The following WDR43 variants were observed in gnomAD, a reference collection of about 807,000 sequenced individuals.
The protein encoded by WDR43 is WD repeat-containing protein 43.
Under a neutral mutation model 91.4 loss-of-function variants are expected in WDR43, and 13 were observed. That is an observed-to-expected ratio of 0.14 (90% CI 0.09 to 0.23). The LOEUF is 0.23. Ranked by LOEUF, WDR43 falls within the 10% of genes least tolerant of loss-of-function variation. The pLI, the probability that WDR43 is intolerant of heterozygous loss-of-function variation, is 1.00. For synonymous variants in WDR43, 331 were observed against 287.9 expected, an observed-to-expected ratio of 1.15 and a Z score of -1.51; for missense variants, 780 against 809.4, an observed-to-expected ratio of 0.96 and a Z score of 0.44.
At chr2:28,936,428 T>A (rs1234151706) in intron 12 of WDR43, among the ~76,000 whole-genome samples, 1 of 152,180 alleles carries the variant, frequency 6.6e-6, no homozygotes, top group East Asian at 1.9e-4. Context: ...AGCAGTGTCT[T>A]GTATAGAAAA....
intron 11 of WDR43, 74 bp from the exon 12 acceptor site, chr2:28,935,447 C>A: frequency 9.2e-7 from 1 of 1,082,018 alleles, no homozygotes; most frequent in Non-Finnish European, 1.3e-6. Context: ...TTCATTTTTA[C>A]AGACTTTTTT....
At chr2:28,918,560 G>T (rs1453342657) in intron 6 of WDR43, among the ~76,000 whole-genome samples, 1 of 151,878 alleles carries the variant, frequency 6.6e-6, no homozygotes, top group East Asian at 1.9e-4. Context: ...GTAGAGATGG[G>T]GTTTCTCCAT....
In WDR43 at chr2:28,934,230, A is replaced by G. The variant is rs1302489256; in HGVS notation, c.1438-1291A>G. On this transcript the variant is annotated intron_variant, in intron 11 of 17. Transcript: ENST00000407426. ...ATTCCTATTTATATAAAAATTCTGG[A>G]AAAGCAGACCAATACATAGTTCAGT... is the stretch of plus-strand genomic sequence containing the variant. 3.9e-5 allele frequency among the ~76,000 whole-genome samples: 6 copies of G among 152,338 alleles called. No homozygotes were observed. The East Asian group carries it at 1.2e-3, about 29-fold the overall frequency.
intron 9 of WDR43, chr2:28,927,265 G>C: frequency 2.1e-6 from 1 of 471,864 alleles, no homozygotes; most frequent in Admixed American, 2.5e-5. Flanking sequence ...GAATTTAGTA[G>C]TGGGGGCTTG....
At chr2:28,946,415 C>A (rs758575501) in intron 16 of WDR43, 35 bp from the exon 17 acceptor site, 4 of 1,590,038 alleles carry the variant, frequency 2.5e-6, no homozygotes, top group Non-Finnish European at 1.7e-6. Context: ...CTGTTTTGTT[C>A]TAAAATTAAG....
chr2:28,895,714 T>A (rs941921805), intron 1 of WDR43: 2 of 152,234 alleles, frequency 1.3e-5, no homozygotes, highest in Non-Finnish European at 2.9e-5. Flanking sequence ...GAGCTTTTCA[T>A]TGTTAGGGAC....
chr2:28,916,707 A>G (rs552308157), intron 5 of WDR43, among the ~76,000 whole-genome samples: 18 of 152,324 alleles, frequency 1.2e-4, no homozygotes, highest in African/African-American at 3.4e-4. Context: ...TAAAGTCCCC[A>G]TGAACACTGA....
intron 11 of WDR43, among the ~76,000 whole-genome samples, chr2:28,931,206 C>T (rs923643798): frequency 3.3e-5 from 5 of 151,896 alleles, no homozygotes; most frequent in Middle Eastern, 3.4e-3. Context: ...CTCAGCCTCC[C>T]GAATTGCTGG....
At chr2:28,910,534 C>T (rs1317073346) in intron 3 of WDR43, among the ~76,000 whole-genome samples, 1 of 151,604 alleles carries the variant, frequency 6.6e-6, no homozygotes, top group African/African-American at 2.4e-5. Context: ...TATCCTTTGT[C>T]TGTTTTTATT....
intron 10 of WDR43, 35 bp from the exon 11 acceptor site, chr2:28,929,544 C>A: frequency 1.2e-5 from 18 of 1,476,230 alleles, no homozygotes; most frequent in Non-Finnish European, 1.6e-5. Context: ...TAAGTCTTGT[C>A]TGGTAACACA....
chr2:28,915,238 A>G lies in WDR43; in HGVS notation c.746+1030A>G, dbSNP rs549162848. ...TACCTTCAAAACCACCAGCAAAACC[A>G]TAATTCCTAATTATGTCTCTTGTAA... On this transcript the variant is annotated intron_variant, in intron 5 of 17. Coordinates refer to ENST00000407426, the MANE Select transcript of WDR43 (RefSeq NM_015131.3). Among the ~76,000 whole-genome samples, 18 of 152,368 alleles carry G rather than the reference A, an allele frequency of 1.2e-4. 1 individual carries two copies. The highest frequency in any genetic ancestry group is 4.1e-4 in the African/African-American group (17 of 41,596).
At chr2:28,939,544 CCTTT>C (rs1311836284) in intron 14 of WDR43, among the ~76,000 whole-genome samples, 2 of 152,168 alleles carry the variant, frequency 1.3e-5, no homozygotes, top group Non-Finnish European at 1.5e-5. Flanking sequence ...TTTCTTCCTT[CCTTT>C]GCTGATATTT....
Position 28,946,832 on chromosome 2 carries a change from G to A in WDR43, c.*53G>A. The stretch of plus-strand genomic sequence containing the variant: ...TATAAACTCTGGCTCACCTTGCCCA[G>A]TGGTGAGGGCTGCCTCTGTGCCAGG... On this transcript the variant is annotated 3_prime_UTR_variant, in exon 18 of 18. Coordinates refer to ENST00000407426, the MANE Select transcript of WDR43 (RefSeq NM_015131.3). 1 of 1,493,672 alleles carries A rather than the reference G, an allele frequency of 6.7e-7. No homozygotes were observed. Among genetic ancestry groups the A allele is most frequent in the Non-Finnish European group, 8.9e-7 (1 of 1,126,182 alleles). The allele number at this position is 1,493,672 out of a possible 1,614,324, so 92.5% of individuals were successfully genotyped here.
intron 7 of WDR43, among the ~76,000 whole-genome samples, chr2:28,923,846 A>G (rs1294708903): frequency 2.0e-5 from 3 of 152,146 alleles, no homozygotes. Flanking sequence ...AGCTGGCCAC[A>G]GTGAGGACTA....
chr2:28,939,590 C>A (rs1164646639), intron 14 of WDR43, among the ~76,000 whole-genome samples: 1 of 152,114 alleles, frequency 6.6e-6, no homozygotes, highest in Non-Finnish European at 1.5e-5. Flanking sequence ...AGGGCTATGC[C>A]AGGCATGGGG....
At chr2:28,925,228 C>T in intron 8 of WDR43, 75 bp downstream of exon 8, 1 of 1,285,462 alleles carries the variant, frequency 7.8e-7, no homozygotes, top group Non-Finnish European at 1.0e-6. Flanking sequence ...TTAAAAATAA[C>T]AACATTGGTC....
intron 1 of WDR43, among the ~76,000 whole-genome samples, chr2:28,900,268 A>G (rs1023918862): frequency 6.6e-6 from 1 of 151,824 alleles, no homozygotes; most frequent in Non-Finnish European, 1.5e-5. Flanking sequence ...GCTCACTGCA[A>G]CCTCTGCCTC....
rs973796228 is a variant in WDR43, at chr2:28,947,947, C to T, written c.*1168C>T. 2 of 148,930 alleles carry T rather than the reference C, an allele frequency of 1.3e-5. No homozygotes were observed. Among genetic ancestry groups the T allele is most frequent in the African/African-American group, 2.5e-5 (1 of 40,302 alleles). 9.2% of individuals were successfully genotyped at this position (148,930 alleles called of 1,614,324 possible). Reference sequence around the variant, plus strand: ...TAGGGGACATGCACATGGAAGCTCACCTCTAAGAAAGGGCTGGGCAGATGG... The same window carrying T: ...TAGGGGACATGCACATGGAAGCTCATCTCTAAGAAAGGGCTGGGCAGATGG... On this transcript the variant is annotated 3_prime_UTR_variant, in exon 18 of 18. Transcript: ENST00000407426.
chr2:28,912,557 A>G (rs762224283), intron 3 of WDR43, 33 bp from the exon 4 acceptor site: 11 of 1,602,896 alleles, frequency 6.9e-6, no homozygotes, highest in African/African-American at 2.7e-5. Context: ...TCTCTCATGT[A>G]TTGAGATGCT....
Sources: allele counts gnomAD v4.1 joint callset (sites outside exome capture counted in the v4.1 genomes callset), GRCh38; gene constraint gnomAD v4.1.1; transcripts MANE v1.5; gene names NCBI Gene and HGNC (gene_info 2026-07-23, HGNC 2026-07-21).